The following PRDM5 variants were observed in gnomAD, a reference collection of about 807,000 sequenced individuals.
The protein encoded by PRDM5 is PR domain zinc finger protein 5.
A neutral mutation model predicts 81.2 loss-of-function variants in PRDM5; 56 were observed. The observed-to-expected ratio is 0.69, with a 90% CI of 0.56 to 0.86. The LOEUF is 0.86. PRDM5 is among the 40% of genes least tolerant of loss of function. The pLI is 0.00. For missense variants in PRDM5, 697 were observed against 770.1 expected, an observed-to-expected ratio of 0.91 and a Z score of 1.12; for synonymous variants, 267 against 256.4, an observed-to-expected ratio of 1.04 and a Z score of -0.39.
chr4:120,684,441 T>C (rs1407435879), downstream of PRDM5, among the ~76,000 whole-genome samples: 1 of 151,974 alleles, frequency 6.6e-6, no homozygotes, highest in Non-Finnish European at 1.5e-5. Flanking sequence ...TCTCTAACGA[T>C]AGCAAGACTA....
intron 12 of PRDM5, among the ~76,000 whole-genome samples, chr4:120,778,672 C>T (rs889111134): frequency 7.9e-5 from 12 of 151,940 alleles, no homozygotes; most frequent in African/African-American, 1.4e-4. Flanking sequence ...ATATTATACT[C>T]GAGTTTGAAA....
chr4:120,777,418 T>C (rs1392574822), intron 12 of PRDM5, 137 bp from the exon 13 acceptor site: 1 of 1,461,798 alleles, frequency 6.8e-7, no homozygotes, highest in Non-Finnish European at 9.1e-7. Context: ...CAATGAGATT[T>C]TAAACAATTT....
intron 2 of PRDM5, among the ~76,000 whole-genome samples, chr4:120,899,668 T>C (rs1266704199): frequency 6.6e-6 from 1 of 152,156 alleles, no homozygotes; most frequent in East Asian, 1.9e-4. Context: ...CTCTGGTGGA[T>C]TATTCAGATT....
intron 3 of PRDM5, among the ~76,000 whole-genome samples, chr4:120,833,088 T>A (rs143846037): frequency 1.3e-5 from 2 of 152,250 alleles, no homozygotes; most frequent in African/African-American, 4.8e-5. Context: ...ACAGGCTGAA[T>A]AACAGTACAG....
chr4:120,802,294 G>A (rs1367780953), intron 8 of PRDM5, among the ~76,000 whole-genome samples: 2 of 152,120 alleles, frequency 1.3e-5, no homozygotes, highest in African/African-American at 4.8e-5. Context: ...CGCTGAATAG[G>A]AACAGCTCCA....
At chr4:120,827,783 C>T (rs1265463778) in intron 3 of PRDM5, among the ~76,000 whole-genome samples, 1 of 152,066 alleles carries the variant, frequency 6.6e-6, no homozygotes, top group African/African-American at 2.4e-5. Flanking sequence ...CTGTAGAAGC[C>T]AGCCAGATGG....
chr4:120,712,945 G>T (rs36003774), intron 14 of PRDM5, among the ~76,000 whole-genome samples: 1 of 152,062 alleles, frequency 6.6e-6, no homozygotes, highest in Non-Finnish European at 1.5e-5. Context: ...ATAGGTGAAA[G>T]CAATTCTCTA....
chr4:120,784,428 T>A (rs1749467176), intron 11 of PRDM5, among the ~76,000 whole-genome samples: 1 of 152,090 alleles, frequency 6.6e-6, no homozygotes, highest in African/African-American at 2.4e-5. Context: ...AAAGAAGAAA[T>A]CTCAGGCAGT....
At chr4:120,712,425 C>A (rs7657769) in intron 14 of PRDM5, among the ~76,000 whole-genome samples, 29,802 of 151,876 alleles carry the variant, frequency 0.2, 4,050 homozygotes, top group East Asian at 0.62. Context: ...ATGTAAATAA[C>A]CAGAGAGACA....
intron 13 of PRDM5, among the ~76,000 whole-genome samples, chr4:120,759,393 AATCC>A (rs1745273996): frequency 6.6e-6 from 1 of 152,190 alleles, no homozygotes; most frequent in Admixed American, 6.5e-5. Context: ...TGTTTAGGGC[AATCC>A]TGCCTCTCTT....
At chr4:120,858,838 G>A (rs1350665557) in intron 2 of PRDM5, among the ~76,000 whole-genome samples, 2 of 152,084 alleles carry the variant, frequency 1.3e-5, no homozygotes, top group Non-Finnish European at 2.9e-5. Context: ...CACTTTTTGT[G>A]ACAAATATTT....
intron 8 of PRDM5, among the ~76,000 whole-genome samples, chr4:120,810,170 G>C (rs144279723): frequency 0.018 from 2,765 of 152,114 alleles, 34 homozygotes; most frequent in Middle Eastern, 0.031. Context: ...CCAGGAAAAC[G>C]GTCCCTAGTA....
At chr4:120,826,912 T>C (rs1012349672) in intron 3 of PRDM5, among the ~76,000 whole-genome samples, 2 of 152,160 alleles carry the variant, frequency 1.3e-5, no homozygotes, top group African/African-American at 2.4e-5. Context: ...TTAATAATGA[T>C]TCTTCTTACA....
chr4:120,761,105 C>T (rs1745540120), intron 13 of PRDM5, among the ~76,000 whole-genome samples: 2 of 152,172 alleles, frequency 1.3e-5, no homozygotes, highest in South Asian at 2.1e-4. Flanking sequence ...TTAACTTACT[C>T]GGCTTGAAGT....
intron 14 of PRDM5, among the ~76,000 whole-genome samples, chr4:120,721,549 C>T (rs138414313): frequency 7.9e-5 from 12 of 152,296 alleles, no homozygotes; most frequent in Non-Finnish European, 1.3e-4. Flanking sequence ...TCTACCACCC[C>T]GACACTGCTG....
chr4:120,721,618 A>G (rs1475198046), intron 14 of PRDM5, among the ~76,000 whole-genome samples: 1 of 152,174 alleles, frequency 6.6e-6, no homozygotes, highest in East Asian at 1.9e-4. Context: ...AAATTTAGAG[A>G]CTGTTTTCCC....
At chr4:120,853,200 C>T (rs1014617031) in intron 3 of PRDM5, among the ~76,000 whole-genome samples, 4 of 152,132 alleles carry the variant, frequency 2.6e-5, no homozygotes, top group South Asian at 4.1e-4. Flanking sequence ...GTAATTCATT[C>T]CCTCAGGAAT....
intron 13 of PRDM5, among the ~76,000 whole-genome samples, chr4:120,758,986 A>G (rs1290420966): frequency 6.6e-6 from 1 of 151,896 alleles, no homozygotes; most frequent in Admixed American, 6.6e-5. Flanking sequence ...TGATCTCCTG[A>G]CCTCGTCATC....
Position 120,793,857 on chromosome 4 carries a change from A to ATG in PRDM5, c.1188+4408_1188+4409dup, listed in dbSNP as rs56084382. 1.8e-3 allele frequency among the ~76,000 whole-genome samples: 279 copies of ATG among 151,802 alleles called. 1 individual carries two copies. Among genetic ancestry groups the ATG allele is most frequent in the Middle Eastern group, 3.4e-3 (1 of 294 alleles). On this transcript the variant is annotated intron_variant, in intron 10 of 15. Transcript: ENST00000264808. Reference sequence around the variant, plus strand: ...TTAATTAGGTGGTAATCATTTCACAATGTGTGTGTGTGTGTATACATATAA... The same window carrying ATG: ...TTAATTAGGTGGTAATCATTTCACAATGTGTGTGTGTGTGTGTATACATATAA...
Sources: allele counts gnomAD v4.1 joint callset (sites outside exome capture counted in the v4.1 genomes callset), GRCh38; gene constraint gnomAD v4.1.1; transcripts MANE v1.5; gene names NCBI Gene and HGNC (gene_info 2026-07-23, HGNC 2026-07-21).